CLASP2: variants seen among roughly 807,000 people sequenced by gnomAD.
CLASP2 encodes CLIP-associating protein 2.
CLASP2 carries 47 observed loss-of-function variants against 194.4 expected under a neutral mutation model. That is an observed-to-expected ratio of 0.24 (90% CI 0.19 to 0.31). CLASP2 has a LOEUF of 0.31. CLASP2 is among the 10% of genes least tolerant of loss of function. CLASP2 has a pLI of 1.00. For missense variants in CLASP2, 1,445 were observed against 1,823.6 expected, an observed-to-expected ratio of 0.79 and a Z score of 3.78; for synonymous variants, 619 against 633.5, an observed-to-expected ratio of 0.98 and a Z score of 0.34.
At chr3:33,569,538 A>G (rs2063370014) in intron 26 of CLASP2, among the ~76,000 whole-genome samples, 1 of 152,200 alleles carries the variant, frequency 6.6e-6, no homozygotes, top group African/African-American at 2.4e-5. Context: ...ATTTATAGAA[A>G]TTTTTACATT....
intron 1 of CLASP2, among the ~76,000 whole-genome samples, chr3:33,703,203 C>T (rs759956792): frequency 6.6e-6 from 1 of 152,090 alleles, no homozygotes; most frequent in Non-Finnish European, 1.5e-5. Flanking sequence ...GCAAAATACA[C>T]ATCTGATAAA....
In CLASP2 at chr3:33,570,857, A is replaced by G; in HGVS notation, c.2700-67T>C. 2.4e-6 allele frequency: 3 copies of G among 1,268,736 alleles called. No individual in the cohort carries two copies. The South Asian group carries it at 4.4e-5, about 19-fold the overall frequency. The allele number at this position is 1,268,736 out of a possible 1,614,324, so 78.6% of individuals were successfully genotyped here. A position where few individuals can be genotyped will look rare whatever the true frequency, so the allele number is the denominator to read the frequency against. On this transcript the variant is annotated intron_variant, in intron 25 of 38. Transcript: ENST00000682230. ...CAAGAAGTCATGTAAAAGTAACTTT[A>G]CATATAATTTTCTTTAAAAAAAAAA...
chr3:33,705,052 C>G (rs1416453447), intron 1 of CLASP2, among the ~76,000 whole-genome samples: 1 of 151,924 alleles, frequency 6.6e-6, no homozygotes, highest in African/African-American at 2.4e-5. Flanking sequence ...GGTATATACC[C>G]AAAGGAAGTG....
At chr3:33,510,033 T>TA (rs753780615) in intron 37 of CLASP2, among the ~76,000 whole-genome samples, 15 of 152,186 alleles carry the variant, frequency 9.9e-5, no homozygotes, top group African/African-American at 1.4e-4. Flanking sequence ...GGCAAATACA[T>TA]AAATGGCATA....
At chr3:33,639,655 TTA>T (rs1347407344) in intron 8 of CLASP2, among the ~76,000 whole-genome samples, 1 of 152,086 alleles carries the variant, frequency 6.6e-6, no homozygotes, top group African/African-American at 2.4e-5. Context: ...TTAAAATAAT[TTA>T]TATGTTATTT....
intron 27 of CLASP2, chr3:33,563,946 T>C: frequency 2.2e-6 from 1 of 456,136 alleles, no homozygotes; most frequent in Non-Finnish European, 4.4e-6. Flanking sequence ...CTCCATTCAT[T>C]TACACACAGT....
chr3:33,668,871 T>C (rs2086651099), intron 6 of CLASP2, among the ~76,000 whole-genome samples: 1 of 152,164 alleles, frequency 6.6e-6, no homozygotes, highest in Non-Finnish European at 1.5e-5. Context: ...AGAGTCTTCA[T>C]CTGCCAAGTG....
intron 6 of CLASP2, among the ~76,000 whole-genome samples, chr3:33,669,575 G>C (rs1367105609): frequency 2.0e-5 from 3 of 149,182 alleles, no homozygotes; most frequent in Admixed American, 6.7e-5. Context: ...TTTAAAAAGA[G>C]AACTCAATTT....
intron 30 of CLASP2, among the ~76,000 whole-genome samples, chr3:33,551,004 A>G (rs1302865759): frequency 6.6e-6 from 1 of 152,248 alleles, no homozygotes; most frequent in Non-Finnish European, 1.5e-5. Context: ...ATGATTTGAA[A>G]TATTCCGAAT....
At chr3:33,607,612 A>C (rs1402786305) in intron 14 of CLASP2, among the ~76,000 whole-genome samples, 151 bp from the exon 15 acceptor site, 5 of 152,206 alleles carry the variant, frequency 3.3e-5, no homozygotes, top group Non-Finnish European at 1.5e-5. Flanking sequence ...CTAAGACCAT[A>C]AGATTTTCTA....
intron 34 of CLASP2, among the ~76,000 whole-genome samples, chr3:33,534,973 T>C (rs1367441051): frequency 6.6e-6 from 1 of 152,152 alleles, no homozygotes; most frequent in East Asian, 1.9e-4. Context: ...TAAGCTACAA[T>C]TGGTTTTAGT....
At chr3:33,717,194 T>C (rs748378591) in intron 1 of CLASP2, among the ~76,000 whole-genome samples, 1 of 152,220 alleles carries the variant, frequency 6.6e-6, no homozygotes, top group African/African-American at 2.4e-5. Context: ...TCTGTTGGTC[T>C]GGGTAGTGTT....
intron 10 of CLASP2, among the ~76,000 whole-genome samples, chr3:33,625,822 G>A (rs1485933503): frequency 2.0e-5 from 3 of 151,592 alleles, no homozygotes; most frequent in African/African-American, 7.3e-5. Context: ...TTAATAGGCA[G>A]GAAACTATTA....
rs1462976751 is a variant in CLASP2 at position 33,603,632 on chromosome 3, AT to A, written c.1751-508del. 2.0e-5 allele frequency among the ~76,000 whole-genome samples: 3 copies of A among 151,674 alleles called. No individual in the cohort carries two copies. In the South Asian group the frequency reaches 6.2e-4, roughly 32 times the overall value. ...TCAGTTTTTTATTTTTATTTATTTT[AT>A]TTTTTTTGAGACAAAGTCTCGCTCT... On this transcript the variant is annotated intron_variant, in intron 17 of 38. Transcript: ENST00000682230.
At chr3:33,575,874 T>C (rs2154198609) in intron 24 of CLASP2, among the ~76,000 whole-genome samples, 1 of 152,304 alleles carries the variant, frequency 6.6e-6, no homozygotes, top group Admixed American at 6.5e-5. Context: ...AGTGTACATA[T>C]TTATATAGTT....
intron 37 of CLASP2, chr3:33,504,017 G>A (rs916690651): frequency 6.6e-6 from 1 of 152,080 alleles, no homozygotes; most frequent in Non-Finnish European, 1.5e-5. Context: ...CCATTTAAAA[G>A]TTATTTATCC....
chr3:33,569,161 G>T (rs1216175920), intron 26 of CLASP2, among the ~76,000 whole-genome samples: 1 of 152,156 alleles, frequency 6.6e-6, no homozygotes, highest in African/African-American at 2.4e-5. Context: ...ATAGTAGCTG[G>T]TTCTCCACCT....
intron 8 of CLASP2, among the ~76,000 whole-genome samples, chr3:33,641,701 T>C (rs1241526188): frequency 6.6e-6 from 1 of 151,900 alleles, no homozygotes; most frequent in Non-Finnish European, 1.5e-5. Context: ...GTAAAATACA[T>C]TCCCAAACTA....
chr3:33,544,714 G>C lies in CLASP2; in HGVS notation c.3281C>G (p.Thr1094Ser), dbSNP rs755355195. The change falls in exon 31 of 39, where the codon ACT (threonine) becomes AGT (serine). Residue 1094 changes from threonine (T) to serine (S), a missense_variant. Thr to Ser is a moderately conservative substitution (Grantham distance 58). Coordinates refer to ENST00000682230, the MANE Select transcript of CLASP2 (RefSeq NM_001365631.1). Reference protein sequence around the residue: ...TKLLHNHLRNTGNGTQSSMGS... With the variant: ...TKLLHNHLRNSGNGTQSSMGS... ...AACAATTACCTGGGTTCCATTGCCA[G>C]TGTTTCGAAGGTGATTATGAAGAAG... The C allele has an allele frequency of 4.3e-6, 7 of 1,611,718 alleles. No individual in the cohort carries two copies. The highest frequency in any genetic ancestry group is 2.2e-5 in the East Asian group (1 of 44,814).
Sources: gnomAD v4.1 joint callset for allele counts (sites outside exome capture counted in the v4.1 genomes callset) on GRCh38, gnomAD v4.1.1 for gene constraint, MANE v1.5 for transcripts, NCBI Gene and HGNC (gene_info 2026-07-23, HGNC 2026-07-21) for gene names.